Variants in PTPRC observed in about 807,000 individuals in gnomAD.
PTPRC encodes receptor-type tyrosine-protein phosphatase C.
A neutral mutation model predicts 155.9 loss-of-function variants in PTPRC; 44 were observed. The observed-to-expected ratio is 0.28, with a 90% CI of 0.22 to 0.36. PTPRC has a LOEUF of 0.36. PTPRC is among the 10% of genes least tolerant of loss of function. The pLI, the probability that PTPRC is intolerant of heterozygous loss-of-function variation, is 1.00. For missense variants in PTPRC, 1,401 were observed against 1,564.6 expected, an observed-to-expected ratio of 0.90 and a Z score of 1.76; for synonymous variants, 525 against 533.1, an observed-to-expected ratio of 0.98 and a Z score of 0.21.
intron 3 of PTPRC, 179 bp downstream of exon 3, chr1:198,692,552 ATAAC>A: frequency 1.9e-6 from 2 of 1,077,800 alleles, no homozygotes; most frequent in Non-Finnish European, 2.4e-6. Context: ...ATAGAGTTTA[ATAAC>A]TACCTAAACA....
At chr1:198,752,432 T>C (rs1391288575) in intron 30 of PTPRC, 61 bp downstream of exon 30, 3 of 1,590,126 alleles carry the variant, frequency 1.9e-6, no homozygotes, top group Non-Finnish European at 2.6e-6. Flanking sequence ...GCAAAATGAA[T>C]ATAAATTACT....
In PTPRC at chr1:198,699,602, G is replaced by T. The variant is rs201751375; in HGVS notation, c.337G>T (p.Ala113Ser). Residue 113 changes from alanine (A) to serine (S), a missense_variant, in exon 5 of 33, where the codon GCA becomes TCA. Physicochemically the swap from Ala to Ser is moderately conservative, Grantham distance 99 (BLOSUM62 1). Around this residue, in one of 3 missense-constraint regions of PTPRC, gnomAD observed 867 missense variants for 970.4 expected, o/e 0.89. Coordinates refer to ENST00000442510, the MANE Select transcript of PTPRC (RefSeq NM_002838.5). ...SVQTPHLPTH[A>S]DSQTPSAGTD... ...ACAGACGCCTCACCTTCCCACGCAC[G>T]CAGACTCGCAGACGCCCTCTGCTGG... The T allele has an allele frequency of 5.0e-5, 81 of 1,614,048 alleles. No homozygotes were observed. The highest frequency in any genetic ancestry group is 6.8e-5 in the Non-Finnish European group (80 of 1,180,042).
rs1655654668 is a variant in PTPRC, at chr1:198,756,246, A to T, written c.*65A>T. On this transcript the variant is annotated 3_prime_UTR_variant, in exon 33 of 33. Coordinates refer to ENST00000442510, the MANE Select transcript of PTPRC (RefSeq NM_002838.5). ...CTGTTATTTCTATTTTTGTAGAAGT[A>T]GGAAGTGAAAATAGGTATACAGTGG... 8 of 1,588,914 alleles carry T rather than the reference A, an allele frequency of 5.0e-6. No individual in the cohort carries two copies. The South Asian group carries it at 6.7e-5, about 13-fold the overall frequency.
chr1:198,713,597 A>T (rs1045432693), intron 12 of PTPRC, among the ~76,000 whole-genome samples: 8 of 145,878 alleles, frequency 5.5e-5, no homozygotes, highest in Admixed American at 1.4e-4. Flanking sequence ...TAATGCAATT[A>T]AAAAAAAAAA....
intron 32 of PTPRC, among the ~76,000 whole-genome samples, chr1:198,755,075 A>T (rs906043192): frequency 5.3e-5 from 8 of 152,138 alleles, no homozygotes; most frequent in African/African-American, 1.9e-4. Context: ...CTTAAAAGTG[A>T]CACACATGTC....
rs1248695438 is a variant in PTPRC, at chr1:198,752,768, T to G, written c.3505T>G (p.Cys1169Gly). Reference sequence around the variant, plus strand: ...CAAGAGTACACCTCTACTCATTCACTGCAGGTGCGTGGGATTTGGTAGAAT... The same window carrying G: ...CAAGAGTACACCTCTACTCATTCACGGCAGGTGCGTGGGATTTGGTAGAAT... ...HHKSTPLLIH[C>G]RDGSQQTGIF... The change falls in exon 31 of 33, where the codon TGC becomes GGC. Residue 1169 changes from cysteine (C) to glycine (G), a missense_variant. This residue lies in a region of PTPRC where 400 missense variants were observed against 389.5 expected (regional missense o/e 1.03). Coordinates refer to ENST00000442510, the MANE Select transcript of PTPRC (RefSeq NM_002838.5). 6.2e-7 allele frequency: 1 copy of G among 1,612,274 alleles called. No homozygotes were observed. Among genetic ancestry groups the G allele is most frequent in the Admixed American group, 1.7e-5 (1 of 59,850 alleles).
chr1:198,665,223 G>A (rs1383840566), intron 2 of PTPRC, among the ~76,000 whole-genome samples: 2 of 151,348 alleles, frequency 1.3e-5, no homozygotes, highest in East Asian at 3.9e-4. Context: ...CCGAGTAGGG[G>A]GGACTACAGG....
At chr1:198,717,625 G>GT (rs1653657191) in intron 13 of PTPRC, among the ~76,000 whole-genome samples, 1 of 152,170 alleles carries the variant, frequency 6.6e-6, no homozygotes, top group Non-Finnish European at 1.5e-5. Context: ...GTTTTCCTGA[G>GT]TTTCTGTATC....
At chr1:198,676,550 A>C (rs1009341611) in intron 2 of PTPRC, among the ~76,000 whole-genome samples, 1 of 152,166 alleles carries the variant, frequency 6.6e-6, no homozygotes, top group Non-Finnish European at 1.5e-5. Context: ...TTCAGAACCC[A>C]GGGGAGGGGG....
chr1:198,729,809 T>C (rs140739765), intron 17 of PTPRC, among the ~76,000 whole-genome samples: 198 of 152,216 alleles, frequency 1.3e-3, no homozygotes, highest in East Asian at 0.01. Flanking sequence ...TATAGTTCTA[T>C]AGATATATGG....
rs2296617 is a variant in PTPRC at position 198,696,960 on chromosome 1, A to G, written c.298+51A>G. 4,429 of 1,475,040 alleles carry G rather than the reference A, an allele frequency of 3.0e-3. 167 individuals are homozygous for G. In the East Asian group the frequency reaches 0.085, roughly 28 times the overall value. The allele number at this position is 1,475,040 out of a possible 1,614,324, so 91.4% of individuals were successfully genotyped here. On this transcript the variant is annotated intron_variant, in intron 4 of 32. Coordinates refer to ENST00000442510, the MANE Select transcript of PTPRC (RefSeq NM_002838.5). The stretch of plus-strand genomic sequence containing the variant: ...AAATATCAGGGAATGTCATTTAGAA[A>G]ATTCTACAGTTATCAGTACAACTTG...
chr1:198,697,982 GTAAAAAT>G (rs1558005346), intron 4 of PTPRC, among the ~76,000 whole-genome samples: 1 of 152,136 alleles, frequency 6.6e-6, no homozygotes, highest in African/African-American at 2.4e-5. Context: ...TCTAAACACT[GTAAAAAT>G]TTGAACACAT....
At chr1:198,702,172 T>C (rs1462907273) in intron 5 of PTPRC, among the ~76,000 whole-genome samples, 2 of 152,246 alleles carry the variant, frequency 1.3e-5, no homozygotes, top group Non-Finnish European at 1.5e-5. Context: ...TGAAGCTGCA[T>C]AGGTTTCCAG....
At chr1:198,742,207 T>A in intron 24 of PTPRC, 25 bp from the exon 25 acceptor site, 1 of 1,612,134 alleles carries the variant, frequency 6.2e-7, no homozygotes, top group Non-Finnish European at 8.5e-7. Flanking sequence ...ATCATGCCTC[T>A]GCTTTTTTTT....
chr1:198,716,316 T>C (rs889534621), intron 12 of PTPRC, among the ~76,000 whole-genome samples: 6 of 152,178 alleles, frequency 3.9e-5, no homozygotes, highest in African/African-American at 1.4e-4. Context: ...AAAGGTTTTC[T>C]AAAAAAGAAT....
chr1:198,709,624 A>AAAAT (rs1313025717), intron 10 of PTPRC, 63 bp from the exon 11 acceptor site: 1 of 1,322,622 alleles, frequency 7.6e-7, no homozygotes, highest in African/African-American at 1.5e-5. Flanking sequence ...GTGAAATTAG[A>AAAAT]AAATAAATGT....
rs187817917 is a variant in PTPRC at position 198,671,776 on chromosome 1, A to C, written c.74-20571A>C. Among the ~76,000 whole-genome samples the C allele has an allele frequency of 5.4e-4, 82 of 152,328 alleles. 1 individual carries two copies. In the Middle Eastern group the frequency reaches 0.017, roughly 32 times the overall value. On this transcript the variant is annotated intron_variant, in intron 2 of 32. Transcript: ENST00000442510. The stretch of plus-strand genomic sequence containing the variant: ...CAGCTTCCATAGACTTGCCTGAGCC[A>C]ATATAACCTAGGACATATTCTCCTT...
rs1174394984 is a variant in PTPRC, at chr1:198,692,347, G to A, written c.74G>A (p.Gly25Glu). The stretch of plus-strand genomic sequence containing the variant: ...AGAGATTTTTGTTTCTTCTTTGCAG[G>A]GCAAAGCCCAACACCTTCCCCCACT... ...AFLDTEVFVT[G>E]QSPTPSPTGL... is the part of the protein sequence containing the mutation. The change falls in exon 3 of 33, where the codon GGG (glycine) becomes GAG (glutamate). Residue 25 changes from glycine to glutamate, a missense_variant and splice_region_variant. Transcript: ENST00000442510. 1.3e-6 allele frequency: 2 copies of A among 1,516,254 alleles called. No individual in the cohort carries two copies. The highest frequency in any genetic ancestry group is 1.4e-5 in the African/African-American group (1 of 69,884). 93.9% of individuals were successfully genotyped at this position (1,516,254 alleles called of 1,614,324 possible).
chr1:198,739,412 A>C (rs2102506583), intron 23 of PTPRC, among the ~76,000 whole-genome samples: 1 of 150,638 alleles, frequency 6.6e-6, no homozygotes. Context: ...GGAAACCTAA[A>C]AAGAGAAGGA....
Sources: allele counts gnomAD v4.1 joint callset (sites outside exome capture counted in the v4.1 genomes callset), GRCh38; gene constraint gnomAD v4.1.1; regional missense constraint gnomAD v4.1.1; transcripts MANE v1.5; gene names NCBI Gene and HGNC (gene_info 2026-07-23, HGNC 2026-07-21).